TEAD3: variants seen among roughly 807,000 people sequenced by gnomAD.
TEAD3 encodes the protein TEA domain transcription factor 3.
A neutral mutation model predicts 55.6 loss-of-function variants in TEAD3; 15 were observed. That is an observed-to-expected ratio of 0.27 (90% CI 0.18 to 0.42). The LOEUF (loss-of-function observed/expected upper bound fraction) is 0.42, where lower values mean the gene tolerates loss of function less well. TEAD3 is among the 10% of genes least tolerant of loss of function. The pLI is 1.00. For missense variants in TEAD3, 407 were observed against 576.8 expected, an observed-to-expected ratio of 0.71 and a Z score of 3.01; for synonymous variants, 210 against 232.2, an observed-to-expected ratio of 0.90 and a Z score of 0.87.
intron 1 of TEAD3, among the ~76,000 whole-genome samples, chr6:35,492,270 A>ATGGGGAGGGCAGC (rs1768538722): frequency 1.3e-5 from 2 of 152,124 alleles, no homozygotes; most frequent in East Asian, 1.9e-4. Context: ...GGGGTCGAGG[A>ATGGGGAGGGCAGC]TGGGGAGGGC....
At chr6:35,480,338 C>G (rs372682425) in intron 3 of TEAD3, 20 of 1,613,862 alleles carry the variant, frequency 1.2e-5, no homozygotes, top group African/African-American at 2.7e-5. Flanking sequence ...TACTCCCGCA[C>G]CTTCTTCCGA....
chr6:35,474,706 G>T, downstream of TEAD3: 1 of 265,810 alleles, frequency 3.8e-6, no homozygotes, highest in Non-Finnish European at 7.2e-6. Flanking sequence ...CCAAGGGTGG[G>T]TGGGGGTACA....
chr6:35,487,562 A>G (rs890849587), intron 1 of TEAD3, among the ~76,000 whole-genome samples: 2 of 151,468 alleles, frequency 1.3e-5, no homozygotes, highest in East Asian at 3.9e-4. Flanking sequence ...AAAAAAAAAA[A>G]AAAAAAAAAA....
rs759435243 is a variant in TEAD3 at position 35,486,634 on chromosome 6, C to T, written c.29G>A (p.Ser10Asn). The T allele has an allele frequency of 1.2e-6, 2 of 1,612,914 alleles. No homozygotes were observed. Among genetic ancestry groups the T allele is most frequent in the East Asian group, 4.5e-5 (2 of 44,886 alleles). ...ATCCTCCCGGGCCTCCCCGGGGCTG[C>T]TGCTGGCGTTCCAGCTGTTGGACGC... Residue 10 changes from serine to asparagine, a missense_variant, in exon 2 of 13, where the codon AGC becomes AAC. Transcript: ENST00000639578. The surrounding 1 kb of genome is among the most constrained non-coding windows in gnomAD (Gnocchi z 7.3).
Position 35,484,442 on chromosome 6 carries a change from G to A in TEAD3, c.267+118C>T. 1 of 932,404 alleles carries A rather than the reference G, an allele frequency of 1.1e-6. No individual in the cohort carries two copies. The highest frequency in any genetic ancestry group is 1.7e-6 in the Non-Finnish European group (1 of 592,248). The allele number at this position is 932,404 out of a possible 1,614,324, so 57.8% of individuals were successfully genotyped here. On this transcript the variant is annotated intron_variant, in intron 3 of 12. Transcript: ENST00000639578. This position sits in a 1 kb window ranked among gnomAD's most constrained non-coding sequence, Gnocchi z 5.8. Reference sequence around the variant, plus strand: ...AGGGGAGTGTGATGAGGCAAGGAGGGTGGCAGTCCAGGTCAGGGGCAGCCT... The same window carrying A: ...AGGGGAGTGTGATGAGGCAAGGAGGATGGCAGTCCAGGTCAGGGGCAGCCT...
intron 1 of TEAD3, among the ~76,000 whole-genome samples, chr6:35,489,575 G>A (rs1335183820): frequency 6.6e-6 from 1 of 152,140 alleles, no homozygotes; most frequent in African/African-American, 2.4e-5. Context: ...CTCTCCCATG[G>A]CCAGTGGGCG....
Position 35,484,468 on chromosome 6 carries a change from CGAG to C in TEAD3, c.267+89_267+91del. ...TGGCAGTCCAGGTCAGGGGCAGCCT[CGAG>C]GAGGTGGGCAGGGTAGGGGCAAGGG... On this transcript the variant is annotated intron_variant, in intron 3 of 12. Transcript: ENST00000639578. The surrounding 1 kb of genome is among the most constrained non-coding windows in gnomAD (Gnocchi z 5.8). 1 of 1,294,718 alleles carries C rather than the reference CGAG, an allele frequency of 7.7e-7. No individual in the cohort carries two copies. The highest frequency in any genetic ancestry group is 1.1e-6 in the Non-Finnish European group (1 of 916,296). The allele number at this position is 1,294,718 out of a possible 1,614,324, so 80.2% of individuals were successfully genotyped here. A position where few individuals can be genotyped will look rare whatever the true frequency, so the allele number is the denominator to read the frequency against.
intron 3 of TEAD3, 148 bp from the exon 4 acceptor site, chr6:35,480,522 A>G (rs1332959083): frequency 3.7e-6 from 3 of 808,042 alleles, no homozygotes; most frequent in African/African-American, 3.5e-5. Flanking sequence ...TTTTTGAAAC[A>G]GGGTTTATGT....
chr6:35,475,236 C>A lies in TEAD3; in HGVS notation c.1195-79G>T. 1 of 1,591,766 alleles carries A rather than the reference C, an allele frequency of 6.3e-7. No homozygotes were observed. Among genetic ancestry groups the A allele is most frequent in the South Asian group, 1.1e-5 (1 of 88,608 alleles). On this transcript the variant is annotated intron_variant, in intron 12 of 12. Transcript: ENST00000639578. This position sits in a 1 kb window ranked among gnomAD's most constrained non-coding sequence, Gnocchi z 5.4. ...GGCAGGGGGCTGAACAGACCATTCT[C>A]CTTTCCGGATCTATGCCTCTCAGCC... is the stretch of plus-strand genomic sequence containing the variant.
rs542362284 is a variant in TEAD3 at position 35,488,800 on chromosome 6, C to G, written c.-49-2089G>C. 6.6e-6 allele frequency among the ~76,000 whole-genome samples: 1 copy of G among 152,194 alleles called. No individual in the cohort carries two copies. Among genetic ancestry groups the G allele is most frequent in the South Asian group, 2.1e-4 (1 of 4,816 alleles). ...GTGCAATGGCGCGATCTCTGCTCAC[C>G]GCAACCTCCACCTCCTGGGTTCAAG... On this transcript the variant is annotated intron_variant, in intron 1 of 12. Coordinates refer to ENST00000639578, the Ensembl canonical transcript of TEAD3. The surrounding 1 kb of genome is among the most constrained non-coding windows in gnomAD (Gnocchi z 4.2).
chr6:35,486,537 G>A lies in TEAD3; in HGVS notation c.126C>T (p.Ser42=). The change falls in exon 2 of 13, where the codon AGC becomes AGT. Residue 42 remains serine, a synonymous_variant. Transcript: ENST00000639578. The surrounding 1 kb of genome is among the most constrained non-coding windows in gnomAD (Gnocchi z 7.3). ...GGTAGATGGCCAGGGCCTCCTGGAA[G>A]CTCTGCTCGATGTCCGGGCTCCACA... The A allele has an allele frequency of 3.1e-6, 5 of 1,613,700 alleles. No homozygotes were observed. The highest frequency in any genetic ancestry group is 4.2e-6 in the Non-Finnish European group (5 of 1,179,802).
exon 8 of TEAD3, chr6:35,477,311 T>C (rs1048995980): frequency 3.7e-6 from 6 of 1,609,094 alleles, no homozygotes; most frequent in Admixed American, 1.7e-5. Flanking sequence ...GGGAACTTAC[T>C]GCTGAGCGTC....
In TEAD3 at chr6:35,496,004, T is replaced by C. The variant is rs992391471; in HGVS notation, c.-50+894A>G. Among the ~76,000 whole-genome samples, 1 of 152,150 alleles carries C rather than the reference T, an allele frequency of 6.6e-6. No individual in the cohort carries two copies. The highest frequency in any genetic ancestry group is 2.4e-5 in the African/African-American group (1 of 41,444). Reference sequence around the variant, plus strand: ...GGATCAGGGCCCCTCACCAGGAAAGTTGACAGAGCGGGGTCTCAATGACAC... The same window carrying C: ...GGATCAGGGCCCCTCACCAGGAAAGCTGACAGAGCGGGGTCTCAATGACAC... On this transcript the variant is annotated intron_variant, in intron 1 of 12. Transcript: ENST00000639578. This position sits in a 1 kb window ranked among gnomAD's most constrained non-coding sequence, Gnocchi z 4.8.
chr6:35,477,201 G>A, intron 8 of TEAD3, 110 bp downstream of exon 8: 1 of 1,137,988 alleles, frequency 8.8e-7, no homozygotes, highest in South Asian at 1.3e-5. Context: ...CCAATCTCCT[G>A]TAGATGTCGC....
At position 35,475,984 on chromosome 6, in the gene TEAD3, T is replaced by C; in HGVS notation, c.835A>G (p.Lys279Glu). 6.4e-7 allele frequency: 1 copy of C among 1,562,152 alleles called. No individual in the cohort carries two copies. Among genetic ancestry groups the C allele is most frequent in the South Asian group, 1.2e-5 (1 of 83,348 alleles). ...TCATAGAGCTCCTTCAATCCTCCCT[T>C]TTTCTCGGGGAATTTGTCATAGATC... Residue 279 changes from lysine (K) to glutamate (E), a missense_variant, in exon 10 of 13, where the codon AAG (lysine) becomes GAG (glutamate). Transcript: ENST00000639578. This position sits in a 1 kb window ranked among gnomAD's most constrained non-coding sequence, Gnocchi z 5.4.
chr6:35,479,362 C>T, intron 4 of TEAD3, 46 bp from the exon 5 acceptor site: 2 of 1,613,084 alleles, frequency 1.2e-6, no homozygotes, highest in South Asian at 1.1e-5. Flanking sequence ...TGTGCAGCAC[C>T]AGGGCTGTGG....
At chr6:35,479,460 C>A in intron 4 of TEAD3, 144 bp from the exon 5 acceptor site, 1 of 1,029,622 alleles carries the variant, frequency 9.7e-7, no homozygotes, top group Non-Finnish European at 1.5e-6. Context: ...AGACCCTCCC[C>A]GTCCCCACAG....
In TEAD3 at chr6:35,496,461, C is replaced by T. The variant is rs1449480404; in HGVS notation, c.-50+437G>A. Among the ~76,000 whole-genome samples, 2 of 151,892 alleles carry T rather than the reference C, an allele frequency of 1.3e-5. No homozygotes were observed. Among genetic ancestry groups the T allele is most frequent in the Non-Finnish European group, 2.9e-5 (2 of 67,934 alleles). ...CCCGAGGCCTGCGTGGAGCTGAGGC[C>T]GGGCGGGCTCCGGGAGCGCGCGGGC... On this transcript the variant is annotated intron_variant, in intron 1 of 12. Transcript: ENST00000639578. This position sits in a 1 kb window ranked among gnomAD's most constrained non-coding sequence, Gnocchi z 4.8.
chr6:35,479,203 G>T, intron 5 of TEAD3, 102 bp downstream of exon 5: 1 of 1,472,740 alleles, frequency 6.8e-7, no homozygotes, highest in Non-Finnish European at 9.4e-7. Context: ...AATGAGGCTT[G>T]CACACCTATT....
Sources: allele counts gnomAD v4.1 joint callset (sites outside exome capture counted in the v4.1 genomes callset), GRCh38; gene constraint gnomAD v4.1.1; non-coding constraint Gnocchi (gnomAD v3.1); transcripts MANE v1.5; gene names NCBI Gene and HGNC (gene_info 2026-07-23, HGNC 2026-07-21).